The following VPS13A variants were observed in gnomAD, a reference collection of about 807,000 sequenced individuals.
The protein encoded by VPS13A is intermembrane lipid transfer protein VPS13A.
A neutral mutation model predicts 390.9 loss-of-function variants in VPS13A; 264 were observed. The observed-to-expected ratio is 0.68, with a 90% CI of 0.61 to 0.75. The LOEUF is 0.75. VPS13A is among the 30% of genes least tolerant of loss of function. VPS13A has a pLI of 0.00. For missense variants in VPS13A, 3,409 were observed against 3,733.9 expected (o/e 0.91, Z 2.27); for synonymous variants, 1,231 against 1,227.1 (o/e 1.00, Z -0.07).
At chr9:77,356,933 G>A in intron 55 of VPS13A, 66 bp downstream of exon 55, 2 of 1,575,166 alleles carry the variant, frequency 1.3e-6, no homozygotes, top group Non-Finnish European at 1.7e-6. Context: ...TGAATCACTA[G>A]TGAAATTTAA....
intron 15 of VPS13A, among the ~76,000 whole-genome samples, chr9:77,227,050 T>C (rs1823557190): frequency 2.6e-5 from 4 of 152,214 alleles, no homozygotes; most frequent in South Asian, 4.1e-4. Context: ...TTCAGTTTTA[T>C]CATCTATAAC....
intron 17 of VPS13A, among the ~76,000 whole-genome samples, chr9:77,228,777 A>G (rs1256847556): frequency 1.3e-5 from 2 of 152,214 alleles, no homozygotes; most frequent in African/African-American, 2.4e-5. Flanking sequence ...CAACAGCTCC[A>G]CATGGCTGGG....
intron 17 of VPS13A, among the ~76,000 whole-genome samples, chr9:77,237,656 G>A (rs1824230076): frequency 6.6e-6 from 1 of 152,158 alleles, no homozygotes; most frequent in Non-Finnish European, 1.5e-5. Context: ...TGAGCCACAT[G>A]TCTGGCCTTT....
rs1350349689 is a variant in VPS13A at position 77,201,073 on chromosome 9, TTAAAA to T, written c.145-288_145-284del. 5.9e-5 allele frequency among the ~76,000 whole-genome samples: 9 copies of T among 152,320 alleles called. No individual in the cohort carries two copies. In the East Asian group the frequency reaches 1.5e-3, roughly 26 times the overall value. ...ACATTGTAATTGCCACTTCTTTTTC[TTAAAA>T]TAATATAAAATTGGTAATGATTTGA... On this transcript the variant is annotated intron_variant, in intron 2 of 71. Coordinates refer to ENST00000360280, the MANE Select transcript of VPS13A (RefSeq NM_033305.3).
At chr9:77,408,308 G>A (rs1482718419) in intron 71 of VPS13A, among the ~76,000 whole-genome samples, 4 of 152,114 alleles carry the variant, frequency 2.6e-5, no homozygotes, top group Non-Finnish European at 4.4e-5. Flanking sequence ...TACAGTAAGA[G>A]GGTGGAGCCA....
intron 1 of VPS13A, among the ~76,000 whole-genome samples, chr9:77,183,625 G>A (rs1824155531): frequency 6.6e-6 from 1 of 152,178 alleles, no homozygotes; most frequent in South Asian, 2.1e-4. Flanking sequence ...CTGTTAATAT[G>A]TCTCCTGGGG....
intron 34 of VPS13A, among the ~76,000 whole-genome samples, chr9:77,306,408 G>GTGTT (rs1554885523): frequency 3.7e-5 from 5 of 134,108 alleles, no homozygotes; most frequent in South Asian, 2.5e-4. Flanking sequence ...GAGAGTGTGT[G>GTGTT]TGTGTTTGTG....
At chr9:77,215,849 TA>T (rs1453668785) in intron 10 of VPS13A, among the ~76,000 whole-genome samples, 8 of 152,242 alleles carry the variant, frequency 5.3e-5, no homozygotes, top group Non-Finnish European at 8.8e-5. Context: ...AAATTACTTT[TA>T]GGGAGCCTCA....
chr9:77,194,851 G>A (rs1342915477), intron 1 of VPS13A, among the ~76,000 whole-genome samples: 1 of 151,854 alleles, frequency 6.6e-6, no homozygotes, highest in Non-Finnish European at 1.5e-5. Flanking sequence ...CTTCTTGATG[G>A]CCTGGTCTCT....
rs774754650 is a variant in VPS13A, at chr9:77,295,663, A to G, written c.3629A>G (p.Asp1210Gly). 2 of 1,614,034 alleles carry G rather than the reference A, an allele frequency of 1.2e-6. No homozygotes were observed. The highest frequency in any genetic ancestry group is 2.2e-5 in the South Asian group (2 of 91,078). The stretch of plus-strand genomic sequence containing the variant: ...CAAAGGAGTTCCAGAATGGCACTGG[A>G]TATTAACATCAAAGCCCCAGTTGTG... The part of the protein sequence containing the change: ...LAQRSSRMAL[D>G]INIKAPVVVI... The change falls in exon 33 of 72, where the codon GAT becomes GGT. Residue 1210 changes from aspartate to glycine, a missense_variant. By Grantham distance (94) the Asp-to-Gly change is moderately conservative (BLOSUM62 -1). Coordinates refer to ENST00000360280, the MANE Select transcript of VPS13A (RefSeq NM_033305.3).
chr9:77,269,220 GTC>G (rs1826217348), intron 23 of VPS13A, among the ~76,000 whole-genome samples: 1 of 151,932 alleles, frequency 6.6e-6, no homozygotes, highest in Non-Finnish European at 1.5e-5. Flanking sequence ...TTATACTTAG[GTC>G]TCTCATCCAT....
chr9:77,353,749 A>G (rs1288136133), intron 54 of VPS13A, 108 bp downstream of exon 54: 4 of 1,112,828 alleles, frequency 3.6e-6, no homozygotes, highest in African/African-American at 3.1e-5. Context: ...TGCTTTGACT[A>G]TTCATTGATA....
chr9:77,222,713 G>A (rs1049102889), intron 13 of VPS13A, among the ~76,000 whole-genome samples: 1 of 152,138 alleles, frequency 6.6e-6, no homozygotes, highest in Non-Finnish European at 1.5e-5. Flanking sequence ...TCTATGATCA[G>A]TGATCTTTGC....
chr9:77,245,123 A>G (rs1054364019), intron 19 of VPS13A, among the ~76,000 whole-genome samples: 6 of 152,166 alleles, frequency 3.9e-5, no homozygotes, highest in African/African-American at 1.4e-4. Context: ...AGTGCAATGG[A>G]AAATAGGGGA....
chr9:77,190,859 T>C (rs779754991), intron 1 of VPS13A, among the ~76,000 whole-genome samples: 6 of 152,218 alleles, frequency 3.9e-5, no homozygotes, highest in African/African-American at 1.4e-4. Flanking sequence ...TTAGTGTGCA[T>C]AGAGATGTTC....
chr9:77,282,312 T>C (rs1827079594), intron 29 of VPS13A, 38 bp downstream of exon 29: 1 of 1,582,518 alleles, frequency 6.3e-7, no homozygotes, highest in Non-Finnish European at 8.6e-7. Context: ...CTTTTTTTTT[T>C]TTTAACCATG....
At chr9:77,276,502 G>A (rs1826679530) in intron 26 of VPS13A, among the ~76,000 whole-genome samples, 1 of 152,118 alleles carries the variant, frequency 6.6e-6, no homozygotes. Flanking sequence ...GTTTTCTATT[G>A]TTGCTATAAC....
At position 77,416,981 on chromosome 9, in the gene VPS13A, C is replaced by T. The variant is rs1835188743; in HGVS notation, c.*975C>T. 1 of 152,520 alleles carries T rather than the reference C, an allele frequency of 6.6e-6. No homozygotes were observed. Among genetic ancestry groups the T allele is most frequent in the Non-Finnish European group, 1.5e-5 (1 of 68,024 alleles). The allele number at this position is 152,520 out of a possible 1,614,324, so 9.4% of individuals were successfully genotyped here. A position where few individuals can be genotyped will look rare whatever the true frequency, so the allele number is the denominator to read the frequency against. ...CAATAGATTGAGAATTTCTGGTTTG[C>T]TTACTCTACAGTTATTCAAATGAGA... On this transcript the variant is annotated 3_prime_UTR_variant, in exon 72 of 72. Transcript: ENST00000360280.
intron 5 of VPS13A, among the ~76,000 whole-genome samples, chr9:77,207,240 TATATATATATATAA>T (rs1449842661): frequency 2.3e-4 from 26 of 114,538 alleles, no homozygotes; most frequent in Non-Finnish European, 4.0e-4. Context: ...TATATATATA[TATATATATATATAA>T]AACGTGTTAT....
Sources: gnomAD v4.1 joint callset for allele counts (sites outside exome capture counted in the v4.1 genomes callset) on GRCh38, gnomAD v4.1.1 for gene constraint, MANE v1.5 for transcripts, NCBI Gene and HGNC (gene_info 2026-07-23, HGNC 2026-07-21) for gene names.